Variants in GALNT18 observed in about 807,000 individuals in gnomAD.
GALNT18 encodes polypeptide N-acetylgalactosaminyltransferase 18.
GALNT18 carries 44 observed loss-of-function variants against 69.5 expected under a neutral mutation model. The ratio of observed to expected loss-of-function variants is 0.63; its 90% CI spans 0.50 to 0.81. The LOEUF (loss-of-function observed/expected upper bound fraction) is 0.81. GALNT18 is among the 40% of genes least tolerant of loss of function. The pLI is 0.00. For missense variants in GALNT18, 715 were observed against 810.0 expected, an observed-to-expected ratio of 0.88 and a Z score of 1.42; for synonymous variants, 364 against 318.2, an observed-to-expected ratio of 1.14 and a Z score of -1.53.
intron 3 of GALNT18, among the ~76,000 whole-genome samples, chr11:11,417,151 C>T (rs1224074717): frequency 6.6e-6 from 1 of 152,234 alleles, no homozygotes; most frequent in Non-Finnish European, 1.5e-5. Context: ...ACAGAATCCA[C>T]ACCACCATTG....
rs188269997 is a variant in GALNT18, at chr11:11,274,360, A to C, written c.1678-3070T>G. On this transcript the variant is annotated intron_variant, in intron 10 of 10. Coordinates refer to ENST00000227756, the MANE Select transcript of GALNT18 (RefSeq NM_198516.3). ...GTGACAGAACCGTTCACTCTCCTGGAAAGGGGGCTGAAGCCAGGGAGCCAA... is the reference window on the plus strand; with the variant it reads ...GTGACAGAACCGTTCACTCTCCTGGCAAGGGGGCTGAAGCCAGGGAGCCAA... 5.8e-3 allele frequency among the ~76,000 whole-genome samples: 886 copies of C among 152,216 alleles called. 2 individuals are homozygous for C. Among genetic ancestry groups the C allele is most frequent in the Non-Finnish European group, 9.7e-3 (657 of 68,020 alleles).
At chr11:11,344,834 G>A (rs953795758) in intron 6 of GALNT18, among the ~76,000 whole-genome samples, 7 of 152,234 alleles carry the variant, frequency 4.6e-5, no homozygotes, top group Non-Finnish European at 7.4e-5. Flanking sequence ...TGGCCTCACC[G>A]AGTGCTTGTG....
rs1850323322 is a variant in GALNT18, at chr11:11,347,452, G to A, written c.1093-6448C>T. ...TCCTTCTGAAGCACTGTGTTGGGAA[G>A]AATTCTGAGGCTCTGTCCAGTCTCA... On this transcript the variant is annotated intron_variant, in intron 6 of 10. Transcript: ENST00000227756. The surrounding 1 kb of genome is among the most constrained non-coding windows in gnomAD (Gnocchi z 4.0). Among the ~76,000 whole-genome samples, 1 of 152,184 alleles carries A rather than the reference G, an allele frequency of 6.6e-6. No homozygotes were observed. Among genetic ancestry groups the A allele is most frequent in the South Asian group, 2.1e-4 (1 of 4,824 alleles).
chr11:11,342,436 A>G (rs1021554594), intron 6 of GALNT18, among the ~76,000 whole-genome samples: 1 of 152,194 alleles, frequency 6.6e-6, no homozygotes, highest in Non-Finnish European at 1.5e-5. Flanking sequence ...TGTACCCATC[A>G]ACAACAATAA....
intron 6 of GALNT18, among the ~76,000 whole-genome samples, chr11:11,342,734 T>G (rs1850231498): frequency 6.6e-6 from 1 of 152,214 alleles, no homozygotes; most frequent in African/African-American, 2.4e-5. Flanking sequence ...GGGTGGGTTA[T>G]GAACAGGGCT....
At chr11:11,593,167 C>T (rs1199594534) in intron 1 of GALNT18, among the ~76,000 whole-genome samples, 1 of 152,180 alleles carries the variant, frequency 6.6e-6, no homozygotes, top group African/African-American at 2.4e-5. Context: ...CCCGCCTCGG[C>T]CTCCCGCTTC....
At chr11:11,334,820 TCACCTCTGTGCCCC>T (rs1432928722) in intron 7 of GALNT18, among the ~76,000 whole-genome samples, 1 of 152,168 alleles carries the variant, frequency 6.6e-6, no homozygotes, top group African/African-American at 2.4e-5. Context: ...TCCATCAGAC[TCACCTCTGTGCCCC>T]CAGGCCTAGC....
In GALNT18 at chr11:11,469,633, G is replaced by C. The variant is rs890070091; in HGVS notation, c.236-20697C>G. Among the ~76,000 whole-genome samples the C allele has an allele frequency of 3.4e-4, 51 of 152,188 alleles. No individual in the cohort carries two copies. Among genetic ancestry groups the C allele is most frequent in the African/African-American group, 1.2e-3 (50 of 41,446 alleles). On this transcript the variant is annotated intron_variant, in intron 1 of 10. Transcript: ENST00000227756. The surrounding 1 kb of genome is among the most constrained non-coding windows in gnomAD (Gnocchi z 4.2). ...AGGCTGTGAGCTCTCTGAAAGCAAGGATCATCCATGCCCTTGTCAGCTGAG... is the reference window on the plus strand; with the variant it reads ...AGGCTGTGAGCTCTCTGAAAGCAAGCATCATCCATGCCCTTGTCAGCTGAG...
chr11:11,526,574 G>A (rs1857531332), intron 1 of GALNT18, among the ~76,000 whole-genome samples: 1 of 152,088 alleles, frequency 6.6e-6, no homozygotes, highest in African/African-American at 2.4e-5. Context: ...TTATATTGCA[G>A]TAACAAAAAC....
chr11:11,476,238 G>C (rs1856394008), intron 1 of GALNT18: 1 of 152,104 alleles, frequency 6.6e-6, no homozygotes, highest in South Asian at 2.1e-4. Flanking sequence ...CAGTGAAATT[G>C]GGAGACATCC....
intron 10 of GALNT18, among the ~76,000 whole-genome samples, chr11:11,281,402 A>AGGGT (rs945353821): frequency 6.6e-6 from 1 of 152,178 alleles, no homozygotes; most frequent in African/African-American, 2.4e-5. Context: ...TCGGAGGATC[A>AGGGT]GGGTGGGGGC....
rs560691459 is a variant in GALNT18, at chr11:11,488,794, A to C, written c.236-39858T>G. ...CAAGTGGGTGATAACTATGGACCCA[A>C]CTCACCACATGGATTCCTAAAAGGC... On this transcript the variant is annotated intron_variant, in intron 1 of 10. Transcript: ENST00000227756. Among the ~76,000 whole-genome samples, 8 of 152,210 alleles carry C rather than the reference A, an allele frequency of 5.3e-5. No homozygotes were observed. The East Asian group carries it at 1.6e-3, about 30-fold the overall frequency.
intron 6 of GALNT18, among the ~76,000 whole-genome samples, chr11:11,353,800 G>T (rs1027686184): frequency 7.2e-5 from 11 of 152,118 alleles, no homozygotes; most frequent in African/African-American, 2.7e-4. Flanking sequence ...GAAATCCAGG[G>T]TAGATACACT....
chr11:11,473,051 A>G (rs1394272019), intron 1 of GALNT18, among the ~76,000 whole-genome samples: 1 of 152,146 alleles, frequency 6.6e-6, no homozygotes, highest in Admixed American at 6.5e-5. Flanking sequence ...TGCCATCCAC[A>G]GCACCCACCT....
chr11:11,277,194 T>G (rs143046354), intron 10 of GALNT18, among the ~76,000 whole-genome samples: 1,570 of 152,304 alleles, frequency 0.01, 33 homozygotes, highest in African/African-American at 0.036. Context: ...TCAGAGCCTG[T>G]TATTGGTCTA....
At chr11:11,291,293 C>T (rs970939542) in intron 10 of GALNT18, among the ~76,000 whole-genome samples, 1 of 151,798 alleles carries the variant, frequency 6.6e-6, no homozygotes, top group African/African-American at 2.4e-5. Flanking sequence ...CCACTTCCGA[C>T]ATAGCTTCAG....
intron 6 of GALNT18, among the ~76,000 whole-genome samples, chr11:11,357,123 C>A (rs1461266782): frequency 6.6e-6 from 1 of 152,054 alleles, no homozygotes; most frequent in African/African-American, 2.4e-5. Context: ...TGGAAATCAC[C>A]AGCTAGGGAA....
intron 1 of GALNT18, among the ~76,000 whole-genome samples, chr11:11,545,695 G>C (rs767007403): frequency 6.6e-6 from 1 of 152,216 alleles, no homozygotes; most frequent in Non-Finnish European, 1.5e-5. Context: ...TTAGCAGCTG[G>C]AGTGCATGTG....
At chr11:11,323,900 G>C (rs375334151) in intron 9 of GALNT18, among the ~76,000 whole-genome samples, 27 of 152,230 alleles carry the variant, frequency 1.8e-4, no homozygotes, top group South Asian at 1.2e-3. Context: ...TTTTCAGAAA[G>C]AGCTTTCTCA....
Sources: gnomAD v4.1 joint callset for allele counts (sites outside exome capture counted in the v4.1 genomes callset) on GRCh38, gnomAD v4.1.1 for gene constraint, Gnocchi (gnomAD v3.1) non-coding constraint, MANE v1.5 for transcripts, NCBI Gene and HGNC (gene_info 2026-07-23, HGNC 2026-07-21) for gene names.